TRHDE: variants seen among roughly 807,000 people sequenced by gnomAD.
TRHDE encodes thyrotropin releasing hormone degrading enzyme.
Under a neutral mutation model 125.7 loss-of-function variants are expected in TRHDE, and 72 were observed. That is an observed-to-expected ratio of 0.57 (90% CI 0.47 to 0.70). The LOEUF is 0.70. Ranked by LOEUF, TRHDE falls within the 30% of genes least tolerant of loss-of-function variation. The pLI is 0.00. For missense variants in TRHDE, 1,110 were observed against 1,327.1 expected (o/e 0.84, Z 2.54); for synonymous variants, 509 against 509.1 (o/e 1.00, Z 0.00).
Position 72,286,749 on chromosome 12 carries a change from TC to T in TRHDE, c.984del (p.Tyr329ThrfsTer49). 6.2e-7 allele frequency: 1 copy of T among 1,613,978 alleles called. No individual in the cohort carries two copies. Among genetic ancestry groups the T allele is most frequent in the Non-Finnish European group, 8.5e-7 (1 of 1,179,956 alleles). On this transcript the variant is annotated frameshift_variant, in exon 2 of 19. Coordinates refer to ENST00000261180, the MANE Select transcript of TRHDE (RefSeq NM_013381.3). LOFTEE classifies it high-confidence loss of function. ...RKAFPCFDEP[I>X]YKATFKISIK... Reference sequence around the variant, plus strand: ...GCATTTCCTTGTTTTGATGAGCCAATCTACAAGGCTACTTTCAAAATCAGCA... The same window carrying T: ...GCATTTCCTTGTTTTGATGAGCCAATTACAAGGCTACTTTCAAAATCAGCA...
At chr12:72,268,012 G>GT (rs1879105988), upstream of TRHDE, among the ~76,000 whole-genome samples, 1 of 152,110 alleles carries the variant, frequency 6.6e-6, no homozygotes, top group African/African-American at 2.4e-5. Flanking sequence ...AAAGTCTGCA[G>GT]TATAAAAATA....
At chr12:72,623,332 C>T (rs530215752) in intron 15 of TRHDE, among the ~76,000 whole-genome samples, 4 of 152,034 alleles carry the variant, frequency 2.6e-5, no homozygotes, top group African/African-American at 4.8e-5. Flanking sequence ...ATTGTTTTAA[C>T]ACTTTAATGG....
chr12:72,159,198 T>C (rs1244581537), intron 2 of TRHDE, among the ~76,000 whole-genome samples: 1 of 152,210 alleles, frequency 6.6e-6, no homozygotes, highest in Non-Finnish European at 1.5e-5. Context: ...TCTCTTTTTG[T>C]GAAGCTTAAA....
In TRHDE at chr12:72,125,630, T is replaced by C. The variant is rs980076765; in HGVS notation, n.279+19878T>C. Among the ~76,000 whole-genome samples, 9 of 152,344 alleles carry C rather than the reference T, an allele frequency of 5.9e-5. No individual in the cohort carries two copies. In the East Asian group the frequency reaches 1.5e-3, roughly 26 times the overall value. ...TGTTCTTTAAAAGTATATAGTATTT[T>C]AAAGTATGTAGCATTTTTTAATGCT... On this transcript the variant is annotated intron_variant and non_coding_transcript_variant, in intron 2 of 4. Transcript: ENST00000548156.
At chr12:72,451,005 C>T (rs1168816686) in intron 3 of TRHDE, among the ~76,000 whole-genome samples, 1 of 152,028 alleles carries the variant, frequency 6.6e-6, no homozygotes, top group Non-Finnish European at 1.5e-5. Flanking sequence ...TTTGTTTTCA[C>T]TATTGAGTTG....
At chr12:72,094,987 G>C (rs1874879117) in intron 1 of TRHDE, among the ~76,000 whole-genome samples, 2 of 152,200 alleles carry the variant, frequency 1.3e-5, no homozygotes, top group Admixed American at 1.3e-4. Flanking sequence ...CCACCATCTT[G>C]TTGACATTAT....
intron 2 of TRHDE, among the ~76,000 whole-genome samples, chr12:72,129,518 T>C (rs575675869): frequency 1.7e-4 from 26 of 152,340 alleles, no homozygotes; most frequent in African/African-American, 6.3e-4. Context: ...TGTATACTTC[T>C]TAGAAAGCTA....
chr12:72,529,667 C>T (rs1014604541), intron 6 of TRHDE, among the ~76,000 whole-genome samples: 2 of 152,092 alleles, frequency 1.3e-5, no homozygotes, highest in Non-Finnish European at 2.9e-5. Flanking sequence ...CTACATGTGT[C>T]CTTGTGTTCA....
intron 3 of TRHDE, among the ~76,000 whole-genome samples, chr12:72,383,090 AAAAC>A (rs1872258586): frequency 6.6e-6 from 1 of 152,230 alleles, no homozygotes; most frequent in Non-Finnish European, 1.5e-5. Context: ...TGAGGTAATT[AAAAC>A]TAAGGTTTGC....
intron 12 of TRHDE, among the ~76,000 whole-genome samples, chr12:72,593,081 G>A (rs1447132812): frequency 6.6e-6 from 1 of 152,184 alleles, no homozygotes; most frequent in Non-Finnish European, 1.5e-5. Context: ...GAGTAGAGTT[G>A]AGGAATATGC....
At chr12:72,539,963 G>C (rs1869059284) in intron 6 of TRHDE, among the ~76,000 whole-genome samples, 1 of 151,700 alleles carries the variant, frequency 6.6e-6, no homozygotes. Flanking sequence ...AACAAAGTTT[G>C]CTTGATAAAC....
chr12:72,543,116 G>A (rs572728650), intron 7 of TRHDE, among the ~76,000 whole-genome samples: 2 of 151,468 alleles, frequency 1.3e-5, no homozygotes, highest in South Asian at 4.1e-4. Flanking sequence ...ACACAATTAT[G>A]CTAAGACAGA....
intron 2 of TRHDE, among the ~76,000 whole-genome samples, chr12:72,113,758 A>T (rs1038481681): frequency 6.6e-6 from 1 of 152,020 alleles, no homozygotes; most frequent in Admixed American, 6.6e-5. Context: ...AACCAAATAT[A>T]TATTTCTTAT....
intron 2 of TRHDE, among the ~76,000 whole-genome samples, chr12:72,198,380 G>A (rs548052737): frequency 3.3e-5 from 5 of 152,100 alleles, no homozygotes; most frequent in African/African-American, 1.2e-4. Context: ...TTTAAAATAA[G>A]GATATGCTTT....
intron 3 of TRHDE, among the ~76,000 whole-genome samples, chr12:72,427,353 C>G (rs1221954271): frequency 6.6e-6 from 1 of 152,046 alleles, no homozygotes; most frequent in African/African-American, 2.4e-5. Context: ...ATCTCTTTTC[C>G]CCAGGACCCA....
In TRHDE at chr12:72,416,344, G is replaced by A. The variant is rs140802857; in HGVS notation, c.1315+38223G>A. 7.2e-5 allele frequency among the ~76,000 whole-genome samples: 11 copies of A among 152,060 alleles called. No individual in the cohort carries two copies. The East Asian group carries it at 9.7e-4, about 13-fold the overall frequency. On this transcript the variant is annotated intron_variant, in intron 3 of 18. Coordinates refer to ENST00000261180, the MANE Select transcript of TRHDE (RefSeq NM_013381.3). The stretch of plus-strand genomic sequence containing the variant: ...GCAAATATTTTCTCCCATTCTGTGC[G>A]TTGTCTCTTTGTTGATTGTTTCCTT...
chr12:72,527,628 A>G (rs1247093686), intron 6 of TRHDE, among the ~76,000 whole-genome samples: 1 of 151,484 alleles, frequency 6.6e-6, no homozygotes, highest in Non-Finnish European at 1.5e-5. Flanking sequence ...TCTGAGGGAG[A>G]GATTACGAAG....
chr12:72,332,034 G>A (rs1869621478), intron 2 of TRHDE, among the ~76,000 whole-genome samples: 1 of 152,144 alleles, frequency 6.6e-6, no homozygotes, highest in African/African-American at 2.4e-5. Context: ...ACCTGCTTCT[G>A]ATGAGGGCCT....
chr12:72,181,937 A>G (rs1325954420), intron 2 of TRHDE, among the ~76,000 whole-genome samples: 1 of 152,216 alleles, frequency 6.6e-6, no homozygotes, highest in African/African-American at 2.4e-5. Context: ...ACTTTATGAC[A>G]TGATTTTCAG....
Sources: allele counts gnomAD v4.1 joint callset (sites outside exome capture counted in the v4.1 genomes callset), GRCh38; gene constraint gnomAD v4.1.1; transcripts MANE v1.5; gene names NCBI Gene and HGNC (gene_info 2026-07-23, HGNC 2026-07-21).